SLMAP: variants seen among roughly 807,000 people sequenced by gnomAD.
The protein encoded by SLMAP is sarcolemma associated protein, also known as sarcolemmal membrane-associated protein.
Under a neutral mutation model 128.8 loss-of-function variants are expected in SLMAP, and 44 were observed. That is an observed-to-expected ratio of 0.34 (90% CI 0.27 to 0.44). The LOEUF (loss-of-function observed/expected upper bound fraction) is 0.44, where lower values mean the gene tolerates loss of function less well. Ranked by LOEUF, SLMAP falls within the 20% of genes least tolerant of loss-of-function variation. The probability of loss-of-function intolerance (pLI) is 1.00; values close to 1 mark genes in which losing one functional copy is unlikely to be tolerated. For synonymous variants in SLMAP, 327 were observed against 348.8 expected, an observed-to-expected ratio of 0.94 and a Z score of 0.70; for missense variants, 787 against 985.3, an observed-to-expected ratio of 0.80 and a Z score of 2.69.
intron 17 of SLMAP, among the ~76,000 whole-genome samples, chr3:57,903,715 C>T (rs2096455804): frequency 6.6e-6 from 1 of 152,196 alleles, no homozygotes; most frequent in African/African-American, 2.4e-5. Flanking sequence ...CAGTTCTAAA[C>T]ATATACAATT....
chr3:57,803,222 A>G (rs2088995737), intron 2 of SLMAP, among the ~76,000 whole-genome samples: 1 of 152,182 alleles, frequency 6.6e-6, no homozygotes. Flanking sequence ...GGATAGAAAC[A>G]TGAGTATATA....
chr3:57,839,394 G>A (rs748926664), intron 3 of SLMAP, among the ~76,000 whole-genome samples: 1 of 148,752 alleles, frequency 6.7e-6, no homozygotes, highest in East Asian at 2.0e-4. Flanking sequence ...TTGATGATTC[G>A]TCGGCCTGAT....
At chr3:57,851,407 C>G (rs1448446740) in intron 6 of SLMAP, among the ~76,000 whole-genome samples, 1 of 120,912 alleles carries the variant, frequency 8.3e-6, no homozygotes, top group Non-Finnish European at 1.7e-5. Context: ...GTTTCTTATT[C>G]TGGTGAGGGA....
At chr3:57,887,214 T>G (rs957724739) in intron 14 of SLMAP, among the ~76,000 whole-genome samples, 1 of 151,572 alleles carries the variant, frequency 6.6e-6, no homozygotes, top group Non-Finnish European at 1.5e-5. Context: ...ATTTATAATA[T>G]AGTAATAAAT....
intron 14 of SLMAP, among the ~76,000 whole-genome samples, chr3:57,872,399 A>C (rs1270892466): frequency 1.3e-5 from 2 of 152,148 alleles, no homozygotes; most frequent in Non-Finnish European, 2.9e-5. Context: ...TGGGTGGATC[A>C]CCTGAGGTCA....
At chr3:57,849,559 C>G (rs1347148213) in intron 5 of SLMAP, among the ~76,000 whole-genome samples, 195 bp from the exon 6 acceptor site, 2 of 152,044 alleles carry the variant, frequency 1.3e-5, no homozygotes, top group East Asian at 3.9e-4. Context: ...GGTTTTATTT[C>G]TGGATTAAGA....
At chr3:57,865,344 A>T (rs779579287) in intron 13 of SLMAP, 52 bp downstream of exon 13, 2 of 795,222 alleles carry the variant, frequency 2.5e-6, no homozygotes, top group Non-Finnish European at 4.0e-6. Context: ...TCATTTTAGT[A>T]TTTAAGCAGG....
chr3:57,805,395 T>C (rs73073969), intron 2 of SLMAP, among the ~76,000 whole-genome samples: 2,771 of 152,134 alleles, frequency 0.018, 74 homozygotes, highest in African/African-American at 0.063. Context: ...AAGCAACATA[T>C]CCAAAACTGA....
Position 57,757,461 on chromosome 3 carries a change from T to C in SLMAP, c.-191T>C. 1 of 609,570 alleles carries C rather than the reference T, an allele frequency of 1.6e-6. No homozygotes were observed. The highest frequency in any genetic ancestry group is 2.0e-5 in the South Asian group (1 of 51,176). 37.8% of individuals were successfully genotyped at this position (609,570 alleles called of 1,614,324 possible). On this transcript the variant is annotated 5_prime_UTR_variant, in exon 2 of 25. An upstream start codon of the reference 5' UTR is lost. Coordinates refer to ENST00000671191, the MANE Select transcript of SLMAP (RefSeq NM_001377540.1). The stretch of plus-strand genomic sequence containing the variant: ...CGTTGCAGCGTTTTAAAGGAGGTGA[T>C]GGGGCTTGCGCTGGCTTGTCTTCCC...
intron 13 of SLMAP, among the ~76,000 whole-genome samples, chr3:57,868,285 G>C (rs1370444874): frequency 6.6e-6 from 1 of 151,716 alleles, no homozygotes; most frequent in African/African-American, 2.4e-5. Context: ...AACATAATGA[G>C]AGCCACATAC....
chr3:57,899,958 A>G (rs775862514), intron 17 of SLMAP: 1 of 150,470 alleles, frequency 6.6e-6, no homozygotes, highest in East Asian at 2.0e-4. Flanking sequence ...GTGATGTATT[A>G]CTGGTACTTT....
intron 17 of SLMAP, among the ~76,000 whole-genome samples, chr3:57,902,687 A>C (rs2096419943): frequency 6.6e-6 from 1 of 152,182 alleles, no homozygotes; most frequent in African/African-American, 2.4e-5. Flanking sequence ...GAGAGATGGA[A>C]GTCAGCTATG....
chr3:57,853,602 A>G (rs749419438), intron 6 of SLMAP, among the ~76,000 whole-genome samples: 8 of 152,118 alleles, frequency 5.3e-5, no homozygotes, highest in Non-Finnish European at 1.0e-4. Context: ...ACTGTTAACA[A>G]GCCACCTAAA....
At chr3:57,878,741 A>G (rs557012573) in intron 14 of SLMAP, among the ~76,000 whole-genome samples, 2 of 152,378 alleles carry the variant, frequency 1.3e-5, no homozygotes, top group Non-Finnish European at 2.9e-5. Flanking sequence ...GAAGCTGTGC[A>G]TAATTACCAG....
At chr3:57,892,527 A>G (rs1359945450) in intron 15 of SLMAP, among the ~76,000 whole-genome samples, 2 of 152,150 alleles carry the variant, frequency 1.3e-5, no homozygotes, top group Non-Finnish European at 2.9e-5. Flanking sequence ...TTGTGAAGTG[A>G]GATTGACAAA....
At chr3:57,913,401 G>A in intron 21 of SLMAP, 126 bp downstream of exon 21, 2 of 524,804 alleles carry the variant, frequency 3.8e-6, no homozygotes, top group Non-Finnish European at 3.4e-6. Flanking sequence ...TCTCTGTTTG[G>A]CTATTTGGCA....
chr3:57,819,888 A>G (rs2092343298), intron 2 of SLMAP, among the ~76,000 whole-genome samples: 1 of 152,024 alleles, frequency 6.6e-6, no homozygotes, highest in African/African-American at 2.4e-5. Flanking sequence ...AGTAGGTGGG[A>G]CCACAGGCAC....
intron 14 of SLMAP, among the ~76,000 whole-genome samples, chr3:57,889,225 A>G (rs1013996609): frequency 1.1e-4 from 17 of 152,232 alleles, no homozygotes; most frequent in African/African-American, 3.6e-4. Flanking sequence ...AGTGCCACAT[A>G]CTGCAAAGAG....
At chr3:57,885,843 G>C (rs2153640940) in intron 14 of SLMAP, among the ~76,000 whole-genome samples, 1 of 135,492 alleles carries the variant, frequency 7.4e-6, no homozygotes, top group African/African-American at 2.9e-5. Context: ...GAGTGCAGTG[G>C]TGCGATCTTG....
Sources: allele counts gnomAD v4.1 joint callset (sites outside exome capture counted in the v4.1 genomes callset), GRCh38; gene constraint gnomAD v4.1.1; transcripts MANE v1.5; gene names NCBI Gene and HGNC (gene_info 2026-07-23, HGNC 2026-07-21).